The following USP34 variants were observed in gnomAD, a reference collection of about 807,000 sequenced individuals.
USP34 encodes ubiquitin specific peptidase 34.
USP34 carries 70 observed loss-of-function variants against 460.3 expected under a neutral mutation model. That is an observed-to-expected ratio of 0.15 (90% CI 0.13 to 0.19). The LOEUF is 0.19. Ranked by LOEUF, USP34 falls within the 10% of genes least tolerant of loss-of-function variation. The pLI, the probability that USP34 is intolerant of heterozygous loss-of-function variation, is 1.00. For missense variants in USP34, 3,985 were observed against 4,236.2 expected, an observed-to-expected ratio of 0.94 and a Z score of 1.65; for synonymous variants, 1,647 against 1,405.3, an observed-to-expected ratio of 1.17 and a Z score of -3.85.
At chr2:61,323,613 G>A (rs1007948785) in intron 21 of USP34, among the ~76,000 whole-genome samples, 46 of 152,218 alleles carry the variant, frequency 3.0e-4, no homozygotes, top group African/African-American at 1.0e-3. Context: ...GAGGGCAGGT[G>A]AAGTGGTGGG....
At chr2:61,215,147 C>T (rs1166573001) in intron 67 of USP34, among the ~76,000 whole-genome samples, 1 of 151,962 alleles carries the variant, frequency 6.6e-6, no homozygotes, top group African/African-American at 2.4e-5. Flanking sequence ...TAATAACATA[C>T]AGATATGGTA....
intron 8 of USP34, among the ~76,000 whole-genome samples, chr2:61,376,576 G>A (rs561755248): frequency 2.6e-4 from 39 of 152,186 alleles, no homozygotes; most frequent in Non-Finnish European, 5.4e-4. Flanking sequence ...CTCTTTAAGC[G>A]GTCTCGCGGA....
chr2:61,322,706 T>A (rs2103704269), intron 21 of USP34, among the ~76,000 whole-genome samples: 1 of 152,220 alleles, frequency 6.6e-6, no homozygotes, highest in Middle Eastern at 3.4e-3. Context: ...AAGAGTTTTA[T>A]CAGAAAAAAG....
chr2:61,412,808 G>C (rs2103952797), intron 2 of USP34, among the ~76,000 whole-genome samples: 1 of 149,112 alleles, frequency 6.7e-6, no homozygotes, highest in African/African-American at 2.5e-5. Context: ...AGAATCACTT[G>C]AGCCCAGGAA....
rs192584282 is a variant in USP34, at chr2:61,466,547, T to C, written c.43+4103A>G. 7.8e-4 allele frequency among the ~76,000 whole-genome samples: 119 copies of C among 152,356 alleles called. 1 individual carries two copies. Among genetic ancestry groups the C allele is most frequent in the African/African-American group, 2.5e-3 (106 of 41,584 alleles). Reference sequence around the variant, plus strand: ...AACTTCAACTGATCACTATACGTTTTATGTATTGAAACATCACTATGTACA... The same window carrying C: ...AACTTCAACTGATCACTATACGTTTCATGTATTGAAACATCACTATGTACA... On this transcript the variant is annotated intron_variant, in intron 1 of 79. Coordinates refer to ENST00000398571, the MANE Select transcript of USP34 (RefSeq NM_014709.4).
chr2:61,214,791 T>G, intron 67 of USP34, 97 bp from the exon 68 acceptor site: 1 of 1,328,720 alleles, frequency 7.5e-7, no homozygotes, highest in South Asian at 1.5e-5. Flanking sequence ...CTTTAATAAT[T>G]AAAATGAATA....
intron 62 of USP34, among the ~76,000 whole-genome samples, chr2:61,224,802 G>A (rs188462525): frequency 2.6e-5 from 4 of 152,078 alleles, no homozygotes; most frequent in Admixed American, 1.3e-4. Flanking sequence ...AGTTATTACC[G>A]ATGCTCAAAG....
intron 75 of USP34, chr2:61,200,427 C>G (rs1226598480): frequency 6.6e-6 from 1 of 152,310 alleles, no homozygotes; most frequent in Non-Finnish European, 1.5e-5. Context: ...CCAACCCTCT[C>G]GCTTATTATT....
chr2:61,389,935 G>C (rs538253096), intron 5 of USP34, among the ~76,000 whole-genome samples: 1 of 152,006 alleles, frequency 6.6e-6, no homozygotes, highest in East Asian at 1.9e-4. Context: ...TTCTGACAAA[G>C]TGCAAAGTGG....
chr2:61,310,040 A>G (rs566512116), intron 27 of USP34, among the ~76,000 whole-genome samples: 2 of 152,304 alleles, frequency 1.3e-5, no homozygotes, highest in African/African-American at 4.8e-5. Flanking sequence ...AAGAACACTA[A>G]AAAAACAAAT....
At chr2:61,279,795 T>G (rs1265621937) in intron 39 of USP34, among the ~76,000 whole-genome samples, 1 of 152,230 alleles carries the variant, frequency 6.6e-6, no homozygotes, top group Non-Finnish European at 1.5e-5. Flanking sequence ...ATTACTTTGT[T>G]TGAATGGAAA....
intron 62 of USP34, among the ~76,000 whole-genome samples, chr2:61,225,152 A>C (rs1307628757): frequency 6.6e-6 from 1 of 152,182 alleles, no homozygotes; most frequent in African/African-American, 2.4e-5. Flanking sequence ...AATATACCAT[A>C]AACTGCTACA....
intron 58 of USP34, among the ~76,000 whole-genome samples, chr2:61,229,957 G>A (rs1687842340): frequency 6.6e-6 from 1 of 152,118 alleles, no homozygotes. Flanking sequence ...AATTCCTTAA[G>A]AAGAGTGGAA....
intron 59 of USP34, 89 bp downstream of exon 59, chr2:61,229,457 TAA>T (rs57231258): frequency 0.013 from 5,097 of 379,556 alleles, 99 homozygotes; most frequent in African/African-American, 0.12. Flanking sequence ...CCCTATCTCT[TAA>T]AAAAAAAAAA....
chr2:61,298,369 A>AC (rs1690100893), intron 29 of USP34, among the ~76,000 whole-genome samples: 5 of 141,040 alleles, frequency 3.5e-5, no homozygotes, highest in Non-Finnish European at 6.1e-5. Context: ...AAATACAAAA[A>AC]AAAAAAAAAA....
At chr2:61,336,538 A>T (rs1338310581) in intron 18 of USP34, among the ~76,000 whole-genome samples, 1 of 151,734 alleles carries the variant, frequency 6.6e-6, no homozygotes, top group Non-Finnish European at 1.5e-5. Flanking sequence ...AGCTGGGTGC[A>T]GTGGCTCACG....
intron 1 of USP34, among the ~76,000 whole-genome samples, chr2:61,437,943 A>G (rs539448279): frequency 6.6e-6 from 1 of 152,146 alleles, no homozygotes; most frequent in East Asian, 1.9e-4. Context: ...ATGAATACCA[A>G]TTCTTCTCAA....
intron 8 of USP34, among the ~76,000 whole-genome samples, chr2:61,377,562 C>T (rs533400277): frequency 6.6e-5 from 10 of 152,050 alleles, no homozygotes; most frequent in Admixed American, 3.3e-4. Context: ...ATAAAAGGGA[C>T]CCCAGAGACC....
intron 18 of USP34, among the ~76,000 whole-genome samples, chr2:61,336,143 A>G (rs1558535847): frequency 2.9e-5 from 4 of 138,950 alleles, no homozygotes. Flanking sequence ...GTGTGTCCGC[A>G]CAATTTTTTT....
Sources: allele counts gnomAD v4.1 joint callset (sites outside exome capture counted in the v4.1 genomes callset), GRCh38; gene constraint gnomAD v4.1.1; transcripts MANE v1.5; gene names NCBI Gene and HGNC (gene_info 2026-07-23, HGNC 2026-07-21).